NEXMIF: variants seen among roughly 807,000 people sequenced by gnomAD.
NEXMIF encodes the protein XLMR protein related to neurite extension.
A neutral mutation model predicts 62.1 loss-of-function variants in NEXMIF; 8 were observed. That is an observed-to-expected ratio of 0.13 (90% CI 0.08 to 0.23). The LOEUF (loss-of-function observed/expected upper bound fraction) is 0.23. NEXMIF is among the 10% of genes least tolerant of loss of function. The pLI is 1.00. For missense variants in NEXMIF, 976 were observed against 1,113.3 expected (o/e 0.88, Z 1.75); for synonymous variants, 404 against 416.6 (o/e 0.97, Z 0.37).
At position 74,741,809 on chromosome X, in the gene NEXMIF, A is replaced by G; in HGVS notation, c.2748T>C (p.Phe916=). 1 of 1,212,187 alleles carries G rather than the reference A, an allele frequency of 8.2e-7. No homozygotes were observed. The highest frequency in any genetic ancestry group is 1.8e-5 in the South Asian group (1 of 57,031). ...CCATGGAGACTACTTGGGAGGCTCC[A>G]AATTCACTGGATTGGGTTGGGGCTA... ...REIAPTQSSE[F]GASQVVSMEN... The change falls in exon 3 of 4, where the codon TTT becomes TTC. Residue 916 remains phenylalanine, a synonymous_variant. Coordinates refer to ENST00000055682, the MANE Select transcript of NEXMIF (RefSeq NM_001008537.3).
At chrX:74,803,006 ACACAGT>A (rs1310018422) in intron 1 of NEXMIF, among the ~76,000 whole-genome samples, 5 of 110,725 alleles carry the variant, frequency 4.5e-5, no homozygotes, top group African/African-American at 1.6e-4. Context: ...ATTTGAAAAT[ACACAGT>A]CAGAGGAGAC....
At chrX:74,873,213 T>G (rs1421112418) in intron 1 of NEXMIF, among the ~76,000 whole-genome samples, 1 of 110,678 alleles carries the variant, frequency 9.0e-6, no homozygotes, top group Non-Finnish European at 1.9e-5. Flanking sequence ...ATTGTTCAAT[T>G]CCCACCTATG....
chrX:74,840,681 G>A (rs2080471065), intron 1 of NEXMIF, among the ~76,000 whole-genome samples: 1 of 111,855 alleles, frequency 8.9e-6, no homozygotes, highest in African/African-American at 3.3e-5. Context: ...AAGGTGTCCA[G>A]TTTCAATCTT....
intron 1 of NEXMIF, among the ~76,000 whole-genome samples, chrX:74,857,969 C>T (rs185446048): frequency 3.6e-5 from 4 of 111,878 alleles, no homozygotes; most frequent in Non-Finnish European, 5.6e-5. Context: ...AGAACTGTGT[C>T]GCCTGATTTG....
chrX:74,787,361 T>C (rs184415644), intron 1 of NEXMIF, among the ~76,000 whole-genome samples: 1 of 111,334 alleles, frequency 9.0e-6, no homozygotes, highest in East Asian at 2.8e-4. Context: ...ATACCTTCTT[T>C]GGCTACTGTT....
At chrX:74,750,494 G>A (rs987025722) in intron 1 of NEXMIF, among the ~76,000 whole-genome samples, 5 of 112,079 alleles carry the variant, frequency 4.5e-5, no homozygotes, top group African/African-American at 1.3e-4. Flanking sequence ...AGCTGTTACA[G>A]ATGGGGAATC....
At chrX:74,877,737 C>G (rs1314465048) in intron 1 of NEXMIF, among the ~76,000 whole-genome samples, 1 of 111,724 alleles carries the variant, frequency 9.0e-6, no homozygotes, top group Non-Finnish European at 1.9e-5. Flanking sequence ...TCATTTCATT[C>G]ATTTCATCTT....
intron 1 of NEXMIF, among the ~76,000 whole-genome samples, chrX:74,789,849 G>C (rs1462931450): frequency 4.6e-5 from 5 of 107,600 alleles, no homozygotes; most frequent in Non-Finnish European, 7.7e-5. Flanking sequence ...AAATTTGTTT[G>C]AGTTCATTGT....
intron 1 of NEXMIF, among the ~76,000 whole-genome samples, chrX:74,823,054 G>A (rs2080402589): frequency 8.9e-6 from 1 of 111,950 alleles, no homozygotes; most frequent in Non-Finnish European, 1.9e-5. Context: ...TAACATAGGT[G>A]AACCTTGAAA....
At chrX:74,822,332 G>C (rs1393264345) in intron 1 of NEXMIF, among the ~76,000 whole-genome samples, 1 of 111,673 alleles carries the variant, frequency 9.0e-6, no homozygotes, top group African/African-American at 3.3e-5. Context: ...TGTATAAATA[G>C]ATAAATTGAA....
At chrX:74,899,296 C>T (rs1263992316) in intron 1 of NEXMIF, among the ~76,000 whole-genome samples, 1 of 111,434 alleles carries the variant, frequency 9.0e-6, no homozygotes, top group Non-Finnish European at 1.9e-5. Flanking sequence ...TCTCTCTTTG[C>T]TGATGACATG....
At chrX:74,782,210 C>T (rs2080249217) in intron 1 of NEXMIF, among the ~76,000 whole-genome samples, 1 of 111,513 alleles carries the variant, frequency 9.0e-6, no homozygotes, top group Non-Finnish European at 1.9e-5. Flanking sequence ...GCCAGAGAGA[C>T]CTCTGGAGTT....
intron 1 of NEXMIF, among the ~76,000 whole-genome samples, chrX:74,784,587 A>G (rs113319780): frequency 0.084 from 9,209 of 109,555 alleles, 336 homozygotes; most frequent in Admixed American, 0.13. Context: ...ACTGCTTTAT[A>G]CTGTGTGTAT....
At chrX:74,909,141 G>A (rs1285633435) in intron 1 of NEXMIF, among the ~76,000 whole-genome samples, 1 of 111,931 alleles carries the variant, frequency 8.9e-6, no homozygotes, top group Non-Finnish European at 1.9e-5. Flanking sequence ...AAATGTGGAA[G>A]TGACTTTGGA....
At chrX:74,812,816 A>T (rs1485480487) in intron 1 of NEXMIF, among the ~76,000 whole-genome samples, 1 of 112,090 alleles carries the variant, frequency 8.9e-6, no homozygotes, top group Admixed American at 9.5e-5. Context: ...AGAGACCTTA[A>T]ATGCTTGTCC....
intron 1 of NEXMIF, among the ~76,000 whole-genome samples, chrX:74,817,140 G>T (rs929086418): frequency 2.7e-5 from 3 of 111,646 alleles, no homozygotes; most frequent in Non-Finnish European, 5.6e-5. Flanking sequence ...CTAGACAAAA[G>T]CCCTATGTGA....
At chrX:74,913,474 C>G (rs779884299) in intron 1 of NEXMIF, among the ~76,000 whole-genome samples, 1 of 111,118 alleles carries the variant, frequency 9.0e-6, no homozygotes. Context: ...GAAGGCAGGA[C>G]AGAAACATTA....
intron 1 of NEXMIF, among the ~76,000 whole-genome samples, chrX:74,836,992 CCT>C (rs1252777166): frequency 1.8e-5 from 2 of 111,384 alleles, no homozygotes; most frequent in South Asian, 3.8e-4. Flanking sequence ...ATGATTGATC[CCT>C]CTCTGGCTAG....
At chrX:74,880,909 T>G (rs976599518) in intron 1 of NEXMIF, among the ~76,000 whole-genome samples, 3 of 111,260 alleles carry the variant, frequency 2.7e-5, no homozygotes, top group African/African-American at 6.5e-5. Flanking sequence ...CTTTGACACA[T>G]AAGAAATATG....
Sources: allele counts gnomAD v4.1 joint callset (sites outside exome capture counted in the v4.1 genomes callset), GRCh38; gene constraint gnomAD v4.1.1; transcripts MANE v1.5; gene names NCBI Gene and HGNC (gene_info 2026-07-23, HGNC 2026-07-21).